The following RTN1 variants were observed in gnomAD, a reference collection of about 807,000 sequenced individuals.
RTN1 encodes reticulon-1.
RTN1 carries 25 observed loss-of-function variants against 65.5 expected under a neutral mutation model. The observed-to-expected ratio is 0.38, with a 90% CI of 0.28 to 0.53. The LOEUF is 0.53. RTN1 is among the 20% of genes least tolerant of loss of function. The probability of loss-of-function intolerance (pLI) is 0.79; values close to 1 mark genes in which losing one functional copy is unlikely to be tolerated. For missense variants in RTN1, 983 were observed against 1,025.4 expected (o/e 0.96, Z 0.57); for synonymous variants, 471 against 447.6 (o/e 1.05, Z -0.66).
intron 3 of RTN1, among the ~76,000 whole-genome samples, chr14:59,708,582 T>C (rs1007908495): frequency 2.0e-5 from 3 of 152,238 alleles, no homozygotes; most frequent in Non-Finnish European, 4.4e-5. Context: ...ATAATATTTA[T>C]AGACTGGCAT....
At chr14:59,713,515 AGACAAGCTTCAGAACAC>A (rs1355815780) in intron 3 of RTN1, among the ~76,000 whole-genome samples, 3 of 152,218 alleles carry the variant, frequency 2.0e-5, no homozygotes, top group Non-Finnish European at 4.4e-5. Flanking sequence ...GACCAGACTC[AGACAAGCTTCAGAACAC>A]TTACTGCTGA....
intron 2 of RTN1, among the ~76,000 whole-genome samples, chr14:59,732,739 A>C (rs554813248): frequency 2.7e-4 from 41 of 152,282 alleles, no homozygotes; most frequent in African/African-American, 9.1e-4. Context: ...TCCCCCAACA[A>C]ATATGCCTGC....
intron 2 of RTN1, among the ~76,000 whole-genome samples, chr14:59,744,601 G>T (rs1340272858): frequency 1.3e-5 from 2 of 152,100 alleles, no homozygotes; most frequent in East Asian, 1.9e-4. Flanking sequence ...ACATCTTTTG[G>T]TTTCAAAAAT....
intron 1 of RTN1, among the ~76,000 whole-genome samples, chr14:59,823,640 A>T (rs1886982024): frequency 6.6e-6 from 1 of 152,072 alleles, no homozygotes; most frequent in African/African-American, 2.4e-5. Context: ...TGAAAAGTCC[A>T]CTGTTAGCCT....
At chr14:59,610,224 T>C (rs1475852547) in intron 3 of RTN1, 1 of 715,712 alleles carries the variant, frequency 1.4e-6, no homozygotes, top group Non-Finnish European at 2.6e-6. Context: ...TGGACTTTCC[T>C]TGAAGAAACT....
chr14:59,819,959 C>T (rs897623742), intron 1 of RTN1, among the ~76,000 whole-genome samples: 5 of 152,218 alleles, frequency 3.3e-5, no homozygotes, highest in Non-Finnish European at 7.3e-5. Context: ...AGGGAGCCGG[C>T]TCTGGCCTTG....
chr14:59,599,153 C>A (rs980046731), intron 8 of RTN1, among the ~76,000 whole-genome samples: 5 of 152,146 alleles, frequency 3.3e-5, no homozygotes, highest in Non-Finnish European at 7.3e-5. Flanking sequence ...CAATTAAAAC[C>A]CCCGAGGTAT....
chr14:59,664,568 T>G (rs904407349), intron 3 of RTN1, among the ~76,000 whole-genome samples: 2 of 152,190 alleles, frequency 1.3e-5, no homozygotes, highest in African/African-American at 4.8e-5. Context: ...ATAACTCAAT[T>G]AAGAAATCAG....
intron 3 of RTN1, among the ~76,000 whole-genome samples, chr14:59,635,881 G>A (rs1345279111): frequency 1.3e-5 from 2 of 152,056 alleles, no homozygotes; most frequent in African/African-American, 4.8e-5. Flanking sequence ...TCTCATCAGT[G>A]TTAATAATGA....
intron 3 of RTN1, among the ~76,000 whole-genome samples, chr14:59,709,694 G>A (rs945153081): frequency 7.2e-5 from 11 of 152,108 alleles, no homozygotes; most frequent in African/African-American, 2.7e-4. Flanking sequence ...TGAATTAGAA[G>A]TACACCAAAG....
chr14:59,763,762 A>G (rs891486027), intron 1 of RTN1, among the ~76,000 whole-genome samples: 1 of 152,022 alleles, frequency 6.6e-6, no homozygotes, highest in Non-Finnish European at 1.5e-5. Context: ...CAATCTCCTG[A>G]CCTCGTGATC....
At position 59,727,040 on chromosome 14, in the gene RTN1, G is replaced by A; in HGVS notation, c.1644C>T (p.Pro548=). 1 of 1,613,488 alleles carries A rather than the reference G, an allele frequency of 6.2e-7. No individual in the cohort carries two copies. Among genetic ancestry groups the A allele is most frequent in the Non-Finnish European group, 8.5e-7 (1 of 1,179,748 alleles). ...PGDGALEPET[P]MLPRKPEEDS... ...CTTCTTCAGGCTTCCGTGGCAACAT[G>A]GGCGTCTCAGGCTCCAGGGCTCCGT... The change falls in exon 3 of 9, where the codon CCC becomes CCT. Residue 548 remains proline (P), a synonymous_variant. Transcript: ENST00000267484. This position sits in a 1 kb window ranked among gnomAD's most constrained non-coding sequence, Gnocchi z 4.2.
At chr14:59,743,871 C>G (rs1029847099) in intron 2 of RTN1, among the ~76,000 whole-genome samples, 1 of 152,192 alleles carries the variant, frequency 6.6e-6, no homozygotes, top group African/African-American at 2.4e-5. Context: ...GTCGTCTGGT[C>G]CCCTGGAGGC....
intron 1 of RTN1, among the ~76,000 whole-genome samples, chr14:59,848,096 G>A (rs1887441026): frequency 6.6e-6 from 1 of 152,152 alleles, no homozygotes; most frequent in South Asian, 2.1e-4. Flanking sequence ...AAGGCCTAGA[G>A]TTGAAGAGAC....
At chr14:59,653,788 T>G (rs1883065266) in intron 3 of RTN1, among the ~76,000 whole-genome samples, 1 of 152,054 alleles carries the variant, frequency 6.6e-6, no homozygotes, top group Non-Finnish European at 1.5e-5. Flanking sequence ...AAGGGAGAAA[T>G]AGATAATTCA....
chr14:59,727,540 C>T lies in RTN1; in HGVS notation c.1144G>A (p.Asp382Asn). 2 of 1,609,548 alleles carry T rather than the reference C, an allele frequency of 1.2e-6. No homozygotes were observed. Among genetic ancestry groups the T allele is most frequent in the South Asian group, 2.2e-5 (2 of 90,202 alleles). Residue 382 changes from aspartate to asparagine, a missense_variant, in exon 3 of 9, where the codon GAC becomes AAC. Transcript: ENST00000267484. The surrounding 1 kb of genome is among the most constrained non-coding windows in gnomAD (Gnocchi z 4.2). ...GACCTGGCCTTGACCTCGGGCCTGT[C>T]GGCCAGCTGGCCCACCGGCCGTGGG... ...ENPRPVGQLADRPEVKARSGP... is the reference protein window; with the variant it reads ...ENPRPVGQLANRPEVKARSGP...
At chr14:59,802,363 T>C (rs1409422878) in intron 1 of RTN1, among the ~76,000 whole-genome samples, 1 of 152,222 alleles carries the variant, frequency 6.6e-6, no homozygotes, top group Non-Finnish European at 1.5e-5. Context: ...TATACTGTAC[T>C]AGAAAAATAC....
At chr14:59,805,421 C>T (rs1886619160) in intron 1 of RTN1, among the ~76,000 whole-genome samples, 1 of 152,134 alleles carries the variant, frequency 6.6e-6, no homozygotes, top group Admixed American at 6.6e-5. Flanking sequence ...CAGCCTGGAG[C>T]ACCTGAGAAC....
intron 1 of RTN1, among the ~76,000 whole-genome samples, chr14:59,793,930 C>T (rs1482209617): frequency 1.3e-5 from 2 of 152,148 alleles, no homozygotes; most frequent in Non-Finnish European, 2.9e-5. Context: ...ACTCCTGTAA[C>T]ACATAAGGCC....
Sources: gnomAD v4.1 joint callset for allele counts (sites outside exome capture counted in the v4.1 genomes callset) on GRCh38, gnomAD v4.1.1 for gene constraint, Gnocchi (gnomAD v3.1) non-coding constraint, MANE v1.5 for transcripts, NCBI Gene and HGNC (gene_info 2026-07-23, HGNC 2026-07-21) for gene names.